Variants in LRRC4C observed in about 807,000 individuals in gnomAD.
LRRC4C encodes leucine-rich repeat-containing protein 4C.
In LRRC4C, 5 loss-of-function variants were observed where a neutral mutation model predicts 33.6. That is an observed-to-expected ratio of 0.15 (90% CI 0.08 to 0.31). The LOEUF (loss-of-function observed/expected upper bound fraction) is 0.31, where lower values mean the gene tolerates loss of function less well. Ranked by LOEUF, LRRC4C falls within the 10% of genes least tolerant of loss-of-function variation. LRRC4C has a pLI of 1.00. For synonymous variants in LRRC4C, 329 were observed against 302.0 expected (o/e 1.09, Z -0.93); for missense variants, 560 against 796.7 (o/e 0.70, Z 3.58).
intron 2 of LRRC4C, among the ~76,000 whole-genome samples, chr11:40,867,969 T>C (rs1040224636): frequency 1.3e-5 from 2 of 152,278 alleles, no homozygotes; most frequent in South Asian, 2.1e-4. Context: ...ATGAAACTCA[T>C]GTTAGCTCAT....
intron 3 of LRRC4C, among the ~76,000 whole-genome samples, chr11:40,507,739 T>A (rs930881862): frequency 2.9e-5 from 1 of 34,972 alleles, no homozygotes; most frequent in African/African-American, 6.1e-5. Flanking sequence ...CTAGATTTAA[T>A]TTTTTTTTTT....
chr11:40,705,441 G>A (rs1946109613), intron 2 of LRRC4C, among the ~76,000 whole-genome samples: 1 of 151,902 alleles, frequency 6.6e-6, no homozygotes, highest in Non-Finnish European at 1.5e-5. Context: ...CCACTTATGA[G>A]TGAGAACATG....
intron 2 of LRRC4C, among the ~76,000 whole-genome samples, chr11:40,664,406 G>A (rs574624367): frequency 1.7e-4 from 26 of 152,066 alleles, no homozygotes; most frequent in African/African-American, 5.5e-4. Flanking sequence ...TTAGATTGGC[G>A]TGGTGGTGGG....
chr11:41,020,917 A>G (rs963203647), intron 1 of LRRC4C, among the ~76,000 whole-genome samples: 30 of 152,056 alleles, frequency 2.0e-4, no homozygotes, highest in Non-Finnish European at 4.1e-4. Context: ...GCCTAGTTAA[A>G]AATCCTACTC....
chr11:41,136,583 T>C (rs1051136305), intron 1 of LRRC4C, among the ~76,000 whole-genome samples: 2 of 152,190 alleles, frequency 1.3e-5, no homozygotes, highest in Non-Finnish European at 2.9e-5. Context: ...ACAGCAGTTA[T>C]TCAAATTTAG....
At chr11:40,649,350 A>C (rs942758405) in intron 2 of LRRC4C, among the ~76,000 whole-genome samples, 1 of 152,096 alleles carries the variant, frequency 6.6e-6, no homozygotes, top group African/African-American at 2.4e-5. Flanking sequence ...CTTAATTATT[A>C]ATATTCCTTG....
At chr11:40,390,523 A>G (rs1052355203) in intron 3 of LRRC4C, among the ~76,000 whole-genome samples, 1 of 152,188 alleles carries the variant, frequency 6.6e-6, no homozygotes, top group African/African-American at 2.4e-5. Flanking sequence ...ATAATTGCTA[A>G]CTTTTATTAA....
intron 1 of LRRC4C, among the ~76,000 whole-genome samples, chr11:41,364,984 T>C (rs1952483777): frequency 1.3e-5 from 2 of 152,178 alleles, no homozygotes; most frequent in South Asian, 2.1e-4. Flanking sequence ...TGTGTGTGTG[T>C]GTGTGCACGT....
chr11:40,692,804 G>A (rs1945285814), intron 2 of LRRC4C, among the ~76,000 whole-genome samples: 1 of 152,072 alleles, frequency 6.6e-6, no homozygotes. Flanking sequence ...TGTATAGGGT[G>A]ATGTGAATTC....
At chr11:40,882,639 A>T (rs1169682366) in intron 2 of LRRC4C, among the ~76,000 whole-genome samples, 1 of 152,030 alleles carries the variant, frequency 6.6e-6, no homozygotes, top group African/African-American at 2.4e-5. Flanking sequence ...CCATCTTTCC[A>T]ATGAAGTACA....
intron 3 of LRRC4C, among the ~76,000 whole-genome samples, chr11:40,500,297 C>T (rs61886208): frequency 0.45 from 31,089 of 69,492 alleles, 4,077 homozygotes; most frequent in East Asian, 0.61. Context: ...TATATATACA[C>T]ACACACACAC....
chr11:41,306,280 C>A (rs1033658947), intron 1 of LRRC4C, among the ~76,000 whole-genome samples: 1 of 152,186 alleles, frequency 6.6e-6, no homozygotes, highest in Non-Finnish European at 1.5e-5. Flanking sequence ...AGTTCTTAAG[C>A]TCACAGAAAG....
At chr11:41,159,887 G>T (rs1944391407) in intron 1 of LRRC4C, among the ~76,000 whole-genome samples, 2 of 152,024 alleles carry the variant, frequency 1.3e-5, no homozygotes, top group African/African-American at 4.8e-5. Flanking sequence ...AAGTGCATTT[G>T]ATTTTAGTGG....
At chr11:41,334,170 C>T (rs542471998) in intron 1 of LRRC4C, among the ~76,000 whole-genome samples, 56 of 152,294 alleles carry the variant, frequency 3.7e-4, no homozygotes, top group African/African-American at 1.3e-3. Context: ...ACTCTAAGTA[C>T]TGTTTTTGCT....
At chr11:41,263,923 G>A (rs529887741) in intron 1 of LRRC4C, among the ~76,000 whole-genome samples, 8 of 152,104 alleles carry the variant, frequency 5.3e-5, no homozygotes, top group African/African-American at 1.4e-4. Flanking sequence ...TAGCATGTGC[G>A]GGATGAGATA....
intron 4 of LRRC4C, among the ~76,000 whole-genome samples, chr11:40,259,281 G>T (rs1255042148): frequency 6.6e-6 from 1 of 151,464 alleles, no homozygotes; most frequent in Non-Finnish European, 1.5e-5. Flanking sequence ...TTGTAAATTT[G>T]TTTGAGTTCA....
At chr11:41,003,411 G>A (rs1854517605) in intron 1 of LRRC4C, among the ~76,000 whole-genome samples, 1 of 152,066 alleles carries the variant, frequency 6.6e-6, no homozygotes, top group Non-Finnish European at 1.5e-5. Flanking sequence ...TATAAAGAAA[G>A]GGAAATAAAG....
intron 2 of LRRC4C, among the ~76,000 whole-genome samples, chr11:40,804,008 T>C (rs530279856): frequency 6.6e-6 from 1 of 152,356 alleles, no homozygotes; most frequent in Non-Finnish European, 1.5e-5. Context: ...ATACTTGGTC[T>C]TATTCATTCT....
intron 2 of LRRC4C, among the ~76,000 whole-genome samples, chr11:40,705,303 C>T (rs1203535848): frequency 6.6e-6 from 1 of 151,962 alleles, no homozygotes; most frequent in Non-Finnish European, 1.5e-5. Flanking sequence ...GTTTGCTGCA[C>T]CCATTAACTC....
Sources: gnomAD v4.1 joint callset for allele counts (sites outside exome capture counted in the v4.1 genomes callset) on GRCh38, gnomAD v4.1.1 for gene constraint, MANE v1.5 for transcripts, NCBI Gene and HGNC (gene_info 2026-07-23, HGNC 2026-07-21) for gene names.